LRRC17: variants seen among roughly 807,000 people sequenced by gnomAD.
The protein encoded by LRRC17 is leucine-rich repeat-containing protein 17.
A neutral mutation model predicts 41.5 loss-of-function variants in LRRC17; 33 were observed. That is an observed-to-expected ratio of 0.80 (90% CI 0.60 to 1.06). LRRC17 has a LOEUF of 1.06. Among genes scored for constraint, LRRC17 ranks in the 50% least tolerant of loss-of-function variants. The pLI, the probability that LRRC17 is intolerant of heterozygous loss-of-function variation, is 0.00. For synonymous variants in LRRC17, 192 were observed against 197.0 expected (o/e 0.97, Z 0.21); for missense variants, 491 against 519.3 (o/e 0.95, Z 0.53).
At chr7:102,923,315 G>T (rs147147234) in intron 1 of LRRC17, among the ~76,000 whole-genome samples, 162 of 152,200 alleles carry the variant, frequency 1.1e-3, no homozygotes, top group African/African-American at 3.9e-3. Context: ...GCCCCGATTT[G>T]TAGTGTTTGA....
intron 1 of LRRC17, among the ~76,000 whole-genome samples, chr7:102,914,875 A>C (rs1419281084): frequency 6.6e-6 from 1 of 152,130 alleles, no homozygotes; most frequent in African/African-American, 2.4e-5. Context: ...CCTGGGGTAC[A>C]CCCTGTGATT....
In LRRC17 at chr7:102,927,573, A is replaced by C. The variant is rs533572211; in HGVS notation, c.-140-6201A>C. ...GTCACACTCAGATAGGAATTGGTTG[A>C]TTTACAGGGGCAGCAAACCACACCT... On this transcript the variant is annotated intron_variant, in intron 1 of 3. Coordinates refer to ENST00000339431, the MANE Select transcript of LRRC17 (RefSeq NM_001031692.3). Among the ~76,000 whole-genome samples, 6 of 152,298 alleles carry C rather than the reference A, an allele frequency of 3.9e-5. No individual in the cohort carries two copies. The South Asian group carries it at 1.2e-3, about 32-fold the overall frequency.
chr7:102,934,411 C>G lies in LRRC17; in HGVS notation c.498C>G (p.His166Gln), dbSNP rs1474517230. The G allele has an allele frequency of 1.2e-6, 2 of 1,614,222 alleles. No individual in the cohort carries two copies. Among genetic ancestry groups the G allele is most frequent in the Non-Finnish European group, 1.7e-6 (2 of 1,180,038 alleles). Residue 166 changes from histidine (H) to glutamine (Q), a missense_variant, in exon 2 of 4, where the codon CAC becomes CAG. Physicochemically the swap from His to Gln is conservative, Grantham distance 24. Transcript: ENST00000339431. ...SYLRLYDNPWHCTCEIETLIS... is the reference protein window; with the variant it reads ...SYLRLYDNPWQCTCEIETLIS... ...TGCGTCTTTATGACAACCCCTGGCA[C>G]TGTACTTGTGAGATAGAAACGCTTA...
At chr7:102,929,202 T>A (rs146815494) in intron 1 of LRRC17, among the ~76,000 whole-genome samples, 194 of 152,298 alleles carry the variant, frequency 1.3e-3, no homozygotes, top group African/African-American at 4.3e-3. Flanking sequence ...TGAAAAGATG[T>A]TTTACTGTGG....
chr7:102,943,547 C>T (rs895954014), intron 3 of LRRC17, among the ~76,000 whole-genome samples: 2 of 152,110 alleles, frequency 1.3e-5, no homozygotes, highest in Non-Finnish European at 2.9e-5. Context: ...GAAAGAAACA[C>T]TTTCATTATT....
chr7:102,939,894 G>GTT (rs199710203), intron 3 of LRRC17, among the ~76,000 whole-genome samples: 1 of 148,222 alleles, frequency 6.7e-6, no homozygotes, highest in Non-Finnish European at 1.5e-5. Flanking sequence ...AAATGTAGTG[G>GTT]TTTTTTTTTT....
chr7:102,944,397 T>C lies in LRRC17; in HGVS notation c.1116T>C (p.His372=), dbSNP rs1177273541. Reference sequence around the variant, plus strand: ...GGTTAAAGCACCACTACAATGTCCATTTTAATGGCCTGGAATGCAAAACGC... The same window carrying C: ...GGTTAAAGCACCACTACAATGTCCACTTTAATGGCCTGGAATGCAAAACGC... The part of the protein sequence containing the change: ...YYWLKHHYNV[H]FNGLECKTPE... The change falls in exon 4 of 4, where the codon CAT becomes CAC. Residue 372 remains histidine, a synonymous_variant. Transcript: ENST00000339431. The C allele has an allele frequency of 6.2e-7, 1 of 1,614,108 alleles. No individual in the cohort carries two copies. Among genetic ancestry groups the C allele is most frequent in the South Asian group, 1.1e-5 (1 of 91,068 alleles).
At chr7:102,939,887 T>C (rs929173541) in intron 3 of LRRC17, among the ~76,000 whole-genome samples, 13 of 151,832 alleles carry the variant, frequency 8.6e-5, no homozygotes, top group African/African-American at 2.9e-4. Flanking sequence ...TATACTAAAA[T>C]GTAGTGGTTT....
chr7:102,936,201 A>G (rs1350754008), intron 2 of LRRC17: 3 of 152,244 alleles, frequency 2.0e-5, no homozygotes, highest in Non-Finnish European at 4.4e-5. Flanking sequence ...ATGCCATTCT[A>G]GGCTCCAGGT....
At position 102,934,208 on chromosome 7, in the gene LRRC17, A is replaced by G. The variant is rs140759106; in HGVS notation, c.295A>G (p.Asn99Asp). 6.2e-4 allele frequency: 999 copies of G among 1,614,248 alleles called. 5 individuals are homozygous for G. Among genetic ancestry groups the G allele is most frequent in the South Asian group, 3.9e-3 (356 of 91,086 alleles). The stretch of plus-strand genomic sequence containing the variant: ...AAACAAGATCCGCACATTGAAGAAC[A>G]ACATGTTTTCCAAGTTTAAAAAGCT... ...ARNKIRTLKN[N>D]MFSKFKKLKS... Residue 99 changes from asparagine (N) to aspartate (D), a missense_variant, in exon 2 of 4, where the codon AAC (asparagine) becomes GAC (aspartate). By Grantham distance (23) the Asn-to-Asp change is conservative. Coordinates refer to ENST00000339431, the MANE Select transcript of LRRC17 (RefSeq NM_001031692.3).
In LRRC17 at chr7:102,914,697, C is replaced by A. The variant is rs530921135; in HGVS notation, c.-141+1552C>A. Among the ~76,000 whole-genome samples the A allele has an allele frequency of 2.0e-5, 3 of 152,292 alleles. No individual in the cohort carries two copies. In the South Asian group the frequency reaches 6.2e-4, roughly 32 times the overall value. On this transcript the variant is annotated intron_variant, in intron 1 of 3. Coordinates refer to ENST00000339431, the MANE Select transcript of LRRC17 (RefSeq NM_001031692.3). ...ATCCCGATCTGGGAAGGGCTGTGTA[C>A]GTGAGATTCGACAGAGCGAGGGGGA...
intron 1 of LRRC17, among the ~76,000 whole-genome samples, chr7:102,916,492 CA>C (rs1815893795): frequency 6.6e-6 from 1 of 152,136 alleles, no homozygotes; most frequent in Non-Finnish European, 1.5e-5. Context: ...AGTTTGAAGG[CA>C]AAGCTCAGGA....
rs1246957929 is a variant in LRRC17, at chr7:102,937,733, G to T, written c.773-1697G>T. Among the ~76,000 whole-genome samples the T allele has an allele frequency of 9.2e-5, 14 of 152,234 alleles. No individual in the cohort carries two copies. In the East Asian group the frequency reaches 2.7e-3, roughly 29 times the overall value. On this transcript the variant is annotated intron_variant, in intron 2 of 3. Transcript: ENST00000339431. ...TGCTTTAGATTGATGATGATAACTGGACTACTCTTCTTTATTCTTTCAAAG... is the reference window on the plus strand; with the variant it reads ...TGCTTTAGATTGATGATGATAACTGTACTACTCTTCTTTATTCTTTCAAAG...
intron 3 of LRRC17, among the ~76,000 whole-genome samples, chr7:102,941,642 C>CCATT (rs1242364600): frequency 2.6e-5 from 4 of 151,984 alleles, no homozygotes; most frequent in African/African-American, 9.7e-5. Flanking sequence ...CAAGCAAAAG[C>CCATT]CATTCCAAAG....
At chr7:102,929,123 T>C (rs1818664889) in intron 1 of LRRC17, among the ~76,000 whole-genome samples, 1 of 151,940 alleles carries the variant, frequency 6.6e-6, no homozygotes, top group Non-Finnish European at 1.5e-5. Context: ...AGGTAAGGAG[T>C]GGAGGAGTTC....
intron 1 of LRRC17, among the ~76,000 whole-genome samples, chr7:102,919,979 C>T (rs1003123385): frequency 6.6e-5 from 10 of 151,994 alleles, no homozygotes; most frequent in African/African-American, 1.7e-4. Context: ...CACTACAATT[C>T]GATATTAAAA....
At chr7:102,920,093 G>A (rs1816686469) in intron 1 of LRRC17, among the ~76,000 whole-genome samples, 1 of 152,206 alleles carries the variant, frequency 6.6e-6, no homozygotes, top group Admixed American at 6.5e-5. Flanking sequence ...AGGGACAATT[G>A]AAGTGTATTA....
chr7:102,943,882 C>T (rs896417327), intron 3 of LRRC17, among the ~76,000 whole-genome samples: 3 of 152,186 alleles, frequency 2.0e-5, no homozygotes, highest in Non-Finnish European at 4.4e-5. Context: ...AGTTTTGCAA[C>T]TGGAAGCAAG....
rs1554467003 is a variant in LRRC17, at chr7:102,934,559, GA to G, written c.650del (p.Lys217ArgfsTer43). On this transcript the variant is annotated frameshift_variant, in exon 2 of 4. Transcript: ENST00000339431. LOFTEE classifies it high-confidence loss of function. ...ATCTGAACAGTTGTGTAATGAAGAAGAAAAGGAACAATTGGACCCGAAACCC... is the reference window on the plus strand; with the variant it reads ...ATCTGAACAGTTGTGTAATGAAGAAGAAAGGAACAATTGGACCCGAAACCC... ...IKSEQLCNEE[E>X]KEQLDPKPQV... 8.5e-7 allele frequency: 1 copy of G among 1,175,116 alleles called. No homozygotes were observed. Among genetic ancestry groups the G allele is most frequent in the Non-Finnish European group, 1.3e-6 (1 of 795,272 alleles). The allele number at this position is 1,175,116 out of a possible 1,614,324, so 72.8% of individuals were successfully genotyped here. A position where few individuals can be genotyped will look rare whatever the true frequency, so the allele number is the denominator to read the frequency against.
Sources: allele counts gnomAD v4.1 joint callset (sites outside exome capture counted in the v4.1 genomes callset), GRCh38; gene constraint gnomAD v4.1.1; transcripts MANE v1.5; gene names NCBI Gene and HGNC (gene_info 2026-07-23, HGNC 2026-07-21).